The following ITGB5 variants were observed in gnomAD, a reference collection of about 807,000 sequenced individuals.
ITGB5 encodes integrin beta-5.
Under a neutral mutation model 84.8 loss-of-function variants are expected in ITGB5, and 38 were observed. The observed-to-expected ratio is 0.45, with a 90% confidence interval of 0.35 to 0.59. The LOEUF (loss-of-function observed/expected upper bound fraction) is 0.59. ITGB5 is among the 20% of genes least tolerant of loss of function. The pLI, the probability that ITGB5 is intolerant of heterozygous loss-of-function variation, is 0.01. For missense variants in ITGB5, 905 were observed against 1,034.5 expected (o/e 0.87, Z 1.72); for synonymous variants, 393 against 414.4 (o/e 0.95, Z 0.63).
At chr3:124,835,675 G>A (rs573213071) in intron 5 of ITGB5, among the ~76,000 whole-genome samples, 402 of 152,326 alleles carry the variant, frequency 2.6e-3, no homozygotes, top group African/African-American at 9.0e-3. Flanking sequence ...TTTGAGGAGT[G>A]GGGGGATGCC....
intron 3 of ITGB5, 103 bp from the exon 4 acceptor site, chr3:124,848,661 A>G (rs1187345130): frequency 2.3e-6 from 3 of 1,295,852 alleles, no homozygotes; most frequent in Non-Finnish European, 3.2e-6. Context: ...ACTTTTCTTT[A>G]GTGATTGTGT....
chr3:124,807,012 T>C (rs1230872818), intron 9 of ITGB5, among the ~76,000 whole-genome samples: 1 of 152,212 alleles, frequency 6.6e-6, no homozygotes, highest in Non-Finnish European at 1.5e-5. Context: ...TTTTCATTTG[T>C]AGAGATTTAA....
Position 124,841,421 on chromosome 3 carries a change from C to A in ITGB5, c.742G>T (p.Gly248Trp), listed in dbSNP as rs754885309. Reference protein sequence around the residue: ...RVSRNRDAPEGGFDAVLQAAV... With the variant: ...RVSRNRDAPEWGFDAVLQAAV... ...GCCTGGAGTACTGCATCAAAGCCCCCCTCAGGGGCATCTCGGTTCCGGGAC... is the reference window on the plus strand; with the variant it reads ...GCCTGGAGTACTGCATCAAAGCCCCACTCAGGGGCATCTCGGTTCCGGGAC... The change falls in exon 5 of 15, where the codon GGG (glycine) becomes TGG (tryptophan). Residue 248 changes from glycine to tryptophan, a missense_variant. Physicochemically the swap from Gly to Trp is radical, Grantham distance 184. Transcript: ENST00000296181. The A allele has an allele frequency of 1.9e-6, 3 of 1,614,236 alleles. No individual in the cohort carries two copies. Among genetic ancestry groups the A allele is most frequent in the Non-Finnish European group, 2.5e-6 (3 of 1,180,034 alleles).
At chr3:124,787,664 G>A (rs2064100544) in intron 10 of ITGB5, 1 of 152,220 alleles carries the variant, frequency 6.6e-6, no homozygotes, top group Non-Finnish European at 1.5e-5. Context: ...ATGAGAGATT[G>A]TTGTTTCTAT....
chr3:124,841,785 T>C (rs1374150430), intron 4 of ITGB5, among the ~76,000 whole-genome samples: 1 of 152,216 alleles, frequency 6.6e-6, no homozygotes. Flanking sequence ...TATAAATGAA[T>C]GGTATGGACA....
At chr3:124,897,606 T>C (rs1326704608) in intron 1 of ITGB5, among the ~76,000 whole-genome samples, 4 of 152,150 alleles carry the variant, frequency 2.6e-5, no homozygotes, top group African/African-American at 9.7e-5. Context: ...GGGCTTGAGC[T>C]CAGGGATTCA....
chr3:124,775,993 T>G (rs945543298), intron 10 of ITGB5, among the ~76,000 whole-genome samples: 1 of 152,238 alleles, frequency 6.6e-6, no homozygotes. Flanking sequence ...AAATGTGTGC[T>G]GAGCAGGTGC....
intron 5 of ITGB5, among the ~76,000 whole-genome samples, chr3:124,834,440 AAAG>A (rs1337875917): frequency 6.7e-6 from 1 of 148,918 alleles, no homozygotes; most frequent in Non-Finnish European, 1.5e-5. Flanking sequence ...ACAAAGAAAG[AAAG>A]AAGGAAGGAA....
intron 9 of ITGB5, among the ~76,000 whole-genome samples, chr3:124,806,003 T>G (rs1252993146): frequency 6.6e-6 from 1 of 152,182 alleles, no homozygotes; most frequent in Non-Finnish European, 1.5e-5. Flanking sequence ...TGATAAGGTC[T>G]CCTATGAGTT....
intron 9 of ITGB5, among the ~76,000 whole-genome samples, chr3:124,806,424 A>ATTTT (rs71145488): frequency 1.9e-4 from 14 of 72,774 alleles, no homozygotes; most frequent in African/African-American, 2.1e-4. Flanking sequence ...GCCTCATTCC[A>ATTTT]TTTTTTTTTT....
chr3:124,796,288 A>T, intron 10 of ITGB5, 100 bp downstream of exon 10: 1 of 1,101,120 alleles, frequency 9.1e-7, no homozygotes, highest in South Asian at 1.5e-5. Flanking sequence ...CATGGTAGTG[A>T]CACTTTCTAC....
intron 5 of ITGB5, among the ~76,000 whole-genome samples, chr3:124,834,509 GGGAA>G (rs1261180563): frequency 9.3e-6 from 1 of 107,820 alleles, no homozygotes; most frequent in African/African-American, 3.6e-5. Flanking sequence ...AGGGAGAGGA[GGGAA>G]GGAAGGAGGG....
At chr3:124,808,434 C>T (rs908249950) in intron 9 of ITGB5, among the ~76,000 whole-genome samples, 4 of 152,200 alleles carry the variant, frequency 2.6e-5, no homozygotes, top group African/African-American at 9.7e-5. Flanking sequence ...GTTCTTGTTG[C>T]CCACATATCC....
chr3:124,868,292 G>A (rs1206919142), intron 2 of ITGB5, among the ~76,000 whole-genome samples: 1 of 151,534 alleles, frequency 6.6e-6, no homozygotes, highest in Non-Finnish European at 1.5e-5. Flanking sequence ...AGCACCATAA[G>A]GGCTGAGAAG....
chr3:124,834,910 C>T (rs1346295288), intron 5 of ITGB5, among the ~76,000 whole-genome samples: 1 of 152,152 alleles, frequency 6.6e-6, no homozygotes, highest in African/African-American at 2.4e-5. Context: ...TTCCTGTCTC[C>T]TTTCATCTTT....
In ITGB5 at chr3:124,819,818, G is replaced by T. The variant is rs1173996439; in HGVS notation, c.959C>A (p.Ala320Asp). The part of the protein sequence containing the change: ...ASNQMDYPSL[A>D]LLGEKLAENN... The stretch of plus-strand genomic sequence containing the variant: ...CTCTGCCAATTTCTCTCCAAGCAAG[G>T]CAAGGGATGGATAGTCCTAGGGCCA... The change falls in exon 7 of 15, where the codon GCC (alanine) becomes GAC (aspartate). Residue 320 changes from alanine (A) to aspartate (D), a missense_variant. This residue lies in a region of ITGB5 where 656 missense variants were observed against 734.7 expected (regional missense o/e 0.89). Coordinates refer to ENST00000296181, the MANE Select transcript of ITGB5 (RefSeq NM_002213.5). The T allele has an allele frequency of 6.2e-7, 1 of 1,613,788 alleles. No homozygotes were observed. The highest frequency in any genetic ancestry group is 2.2e-5 in the East Asian group (1 of 44,874).
chr3:124,790,433 G>T (rs1373526291), intron 10 of ITGB5, among the ~76,000 whole-genome samples: 3 of 143,798 alleles, frequency 2.1e-5, no homozygotes, highest in Non-Finnish European at 4.6e-5. Flanking sequence ...TATCAGAACC[G>T]CCTTTGACTA....
Position 124,848,499 on chromosome 3 carries a change from A to C in ITGB5, c.421T>G (p.Tyr141Asp), listed in dbSNP as rs774320083. The C allele has an allele frequency of 6.2e-6, 10 of 1,614,132 alleles. No individual in the cohort carries two copies. Among genetic ancestry groups the C allele is most frequent in the Admixed American group, 1.7e-5 (1 of 60,026 alleles). Reference protein sequence around the residue: ...RQVEDYPVDLYYLMDLSLSMK... With the variant: ...RQVEDYPVDLDYLMDLSLSMK... ...GACAGGGAGAGGTCCATCAGGTAGT[A>C]CAGGTCCACAGGATAGTCCTCCACC... Residue 141 changes from tyrosine (Y) to aspartate (D), a missense_variant, in exon 4 of 15, where the codon TAC becomes GAC. Physicochemically the swap from Tyr to Asp is radical, Grantham distance 160. Coordinates refer to ENST00000296181, the MANE Select transcript of ITGB5 (RefSeq NM_002213.5).
chr3:124,826,255 C>T (rs1196234506), intron 5 of ITGB5, among the ~76,000 whole-genome samples: 1 of 152,174 alleles, frequency 6.6e-6, no homozygotes. Flanking sequence ...TGTCATTTAA[C>T]TTCTTCAGTC....
Sources: gnomAD v4.1 joint callset for allele counts (sites outside exome capture counted in the v4.1 genomes callset) on GRCh38, gnomAD v4.1.1 for gene constraint, gnomAD v4.1.1 regional missense constraint, MANE v1.5 for transcripts, NCBI Gene and HGNC (gene_info 2026-07-23, HGNC 2026-07-21) for gene names.